The following NAA16 variants were observed in gnomAD, a reference collection of about 807,000 sequenced individuals.
The protein encoded by NAA16 is NARG1-like protein.
Under a neutral mutation model 110.3 loss-of-function variants are expected in NAA16, and 97 were observed. The ratio of observed to expected loss-of-function variants is 0.88; its 90% confidence interval spans 0.75 to 1.04. NAA16 has a LOEUF of 1.04. Among genes scored for constraint, NAA16 ranks in the 50% least tolerant of loss-of-function variants. The probability of loss-of-function intolerance (pLI) is 0.00; values close to 1 mark genes in which losing one functional copy is unlikely to be tolerated. For synonymous variants in NAA16, 372 were observed against 330.6 expected, an observed-to-expected ratio of 1.13 and a Z score of -1.36; for missense variants, 1,017 against 1,005.1, an observed-to-expected ratio of 1.01 and a Z score of -0.16.
intron 9 of NAA16, among the ~76,000 whole-genome samples, chr13:41,350,383 T>A (rs552349668): frequency 1.8e-4 from 27 of 147,436 alleles, no homozygotes; most frequent in Admixed American, 1.4e-3. Flanking sequence ...AAGCTCCACC[T>A]CCCGGGTTCA....
chr13:41,350,950 A>G (rs1566280679), intron 9 of NAA16, among the ~76,000 whole-genome samples: 1 of 152,136 alleles, frequency 6.6e-6, no homozygotes, highest in South Asian at 2.1e-4. Flanking sequence ...TGAAGGCTCT[A>G]AGAAGAGGTG....
intron 12 of NAA16, among the ~76,000 whole-genome samples, chr13:41,359,477 T>C (rs1324268966): frequency 6.6e-5 from 10 of 152,200 alleles, no homozygotes; most frequent in African/African-American, 2.4e-4. Flanking sequence ...CTTTCTGTTA[T>C]AATACATGTT....
intron 9 of NAA16, among the ~76,000 whole-genome samples, chr13:41,347,227 A>C (rs2042707713): frequency 1.0e-5 from 1 of 100,170 alleles, no homozygotes; most frequent in Admixed American, 9.6e-5. Flanking sequence ...AAAAAAAAAA[A>C]CAAAAACAAA....
chr13:41,341,449 G>A (rs1769217230), intron 9 of NAA16, among the ~76,000 whole-genome samples: 1 of 152,202 alleles, frequency 6.6e-6, no homozygotes, highest in African/African-American at 2.4e-5. Flanking sequence ...CAGCCGTGGT[G>A]GCTCATGCCT....
intron 2 of NAA16, among the ~76,000 whole-genome samples, chr13:41,318,118 T>A (rs921272699): frequency 6.6e-6 from 1 of 152,218 alleles, no homozygotes; most frequent in African/African-American, 2.4e-5. Flanking sequence ...TAAATCAGAT[T>A]GATGATTGAT....
At chr13:41,333,783 A>T (rs1350779883) in intron 8 of NAA16, among the ~76,000 whole-genome samples, 2 of 151,900 alleles carry the variant, frequency 1.3e-5, no homozygotes, top group African/African-American at 4.8e-5. Flanking sequence ...AGTTTACTAA[A>T]AGCCCTCAAT....
chr13:41,340,888 C>T lies in NAA16; in HGVS notation c.1014+4132C>T, dbSNP rs1314447067. On this transcript the variant is annotated intron_variant, in intron 9 of 19. Transcript: ENST00000379406. ...TAGAGATGGGGTTTCACCGTGGTCT[C>T]GATCTCCTGACCTCGTGATACACCC... 3.9e-5 allele frequency among the ~76,000 whole-genome samples: 6 copies of T among 151,934 alleles called. No homozygotes were observed. In the East Asian group the frequency reaches 5.8e-4, roughly 15 times the overall value.
chr13:41,375,303 G>A lies in NAA16; in HGVS notation c.2398-102G>A, dbSNP rs2043407628. On this transcript the variant is annotated intron_variant, in intron 19 of 19. Coordinates refer to ENST00000379406, the MANE Select transcript of NAA16 (RefSeq NM_024561.5). Reference sequence around the variant, plus strand: ...TTGTAAGGCATTATTTTAGACTGAGGCAGCTTTCTCAATTTAACACATTGC... The same window carrying A: ...TTGTAAGGCATTATTTTAGACTGAGACAGCTTTCTCAATTTAACACATTGC... 3 of 746,718 alleles carry A rather than the reference G, an allele frequency of 4.0e-6. No homozygotes were observed. In the South Asian group the frequency reaches 6.1e-5, roughly 15 times the overall value. 46.3% of individuals were successfully genotyped at this position (746,718 alleles called of 1,614,324 possible). A position where few individuals can be genotyped will look rare whatever the true frequency, so the allele number is the denominator to read the frequency against.
intron 9 of NAA16, among the ~76,000 whole-genome samples, chr13:41,349,960 C>CA (rs71086565): frequency 2.3e-4 from 29 of 126,774 alleles, no homozygotes; most frequent in Admixed American, 1.4e-3. Flanking sequence ...GACTCCGTCT[C>CA]AAAAAAAAAA....
At chr13:41,331,518 G>A (rs2042237938) in intron 8 of NAA16, 149 bp downstream of exon 8, 1 of 485,342 alleles carries the variant, frequency 2.1e-6, no homozygotes, top group South Asian at 4.5e-5. Context: ...TATGTTAAGA[G>A]TGTGATACTT....
chr13:41,337,770 A>G (rs1242991386), intron 9 of NAA16, among the ~76,000 whole-genome samples: 1 of 152,190 alleles, frequency 6.6e-6, no homozygotes, highest in Non-Finnish European at 1.5e-5. Context: ...AGCTTCTGTC[A>G]TATTTATTTA....
chr13:41,375,478 G>A lies in NAA16; in HGVS notation c.2471G>A (p.Arg824Lys), dbSNP rs2043411293. ...GNCSSQYEEY[R>K]MACHNLLPFT... ...TGTAGTTCCCAATATGAAGAATATAGGATGGCCTGTCATAACCTGCTTCCT... is the reference window on the plus strand; with the variant it reads ...TGTAGTTCCCAATATGAAGAATATAAGATGGCCTGTCATAACCTGCTTCCT... Residue 824 changes from arginine to lysine, a missense_variant, in exon 20 of 20, where the codon AGG becomes AAG. Physicochemically the swap from Arg to Lys is conservative, Grantham distance 26. Coordinates refer to ENST00000379406, the MANE Select transcript of NAA16 (RefSeq NM_024561.5). The A allele has an allele frequency of 1.2e-6, 2 of 1,613,890 alleles. No individual in the cohort carries two copies. Among genetic ancestry groups the A allele is most frequent in the African/African-American group, 2.7e-5 (2 of 74,916 alleles).
intron 12 of NAA16, among the ~76,000 whole-genome samples, chr13:41,361,275 A>C (rs538569023): frequency 6.6e-6 from 1 of 152,358 alleles, no homozygotes; most frequent in East Asian, 1.9e-4. Context: ...AAGAGTTGTC[A>C]TGAAACAGGT....
In NAA16 at chr13:41,358,927, A is replaced by G; in HGVS notation, c.1375A>G (p.Lys459Glu). Reference protein sequence around the residue: ...AKYMLRANMIKEAEEMCSKFT... With the variant: ...AKYMLRANMIEEAEEMCSKFT... ...ATACATGCTTCGAGCAAATATGATA[A>G]AAGAAGCAGAGGAAATGTGCTCCAA... The change falls in exon 12 of 20, where the codon AAA becomes GAA. Residue 459 changes from lysine (K) to glutamate (E), a missense_variant. By Grantham distance (56) the Lys-to-Glu change is moderately conservative. Transcript: ENST00000379406. 6.2e-7 allele frequency: 1 copy of G among 1,610,974 alleles called. No homozygotes were observed. Among genetic ancestry groups the G allele is most frequent in the South Asian group, 1.1e-5 (1 of 90,738 alleles).
At chr13:41,314,837 TA>T (rs900277642) in intron 1 of NAA16, among the ~76,000 whole-genome samples, 1 of 151,346 alleles carries the variant, frequency 6.6e-6, no homozygotes, top group Non-Finnish European at 1.5e-5. Flanking sequence ...AATAAAAAAA[TA>T]AAAAAAAATT....
Position 41,373,693 on chromosome 13 carries a change from C to A in NAA16, c.2212C>A (p.Gln738Lys), listed in dbSNP as rs193111047. 220 of 1,610,792 alleles carry A rather than the reference C, an allele frequency of 1.4e-4. 3 individuals are homozygous for A. The East Asian group carries it at 4.2e-3, about 31-fold the overall frequency. Residue 738 changes from glutamine to lysine, a missense_variant, in exon 18 of 20, where the codon CAG becomes AAG. Transcript: ENST00000379406. ...GAGCAAAGTTCTATCTCAAGAAATG[C>A]AGAAAATATTTGTCAAAAAGGATTT... ...IVSKVLSQEM[Q>K]KIFVKKDLES...
intron 8 of NAA16, among the ~76,000 whole-genome samples, chr13:41,331,583 A>C (rs73457531): frequency 0.011 from 1,630 of 152,230 alleles, 15 homozygotes; most frequent in African/African-American, 0.032. Flanking sequence ...ATAAATATAA[A>C]ACTGCTTTTC....
chr13:41,325,906 T>C (rs2042081938), intron 6 of NAA16, 55 bp downstream of exon 6: 2 of 1,410,012 alleles, frequency 1.4e-6, no homozygotes, highest in South Asian at 1.4e-5. Context: ...AAAAACTATA[T>C]ATTTTATTCT....
In NAA16 at chr13:41,358,611, T is replaced by C. The variant is rs1402389103; in HGVS notation, c.1257+138T>C. On this transcript the variant is annotated intron_variant, in intron 11 of 19. Coordinates refer to ENST00000379406, the MANE Select transcript of NAA16 (RefSeq NM_024561.5). Reference sequence around the variant, plus strand: ...AATAATCCTGTGTAGTTTCATGTTATATTAATTGTATAATCAATGTGTAAT... The same window carrying C: ...AATAATCCTGTGTAGTTTCATGTTACATTAATTGTATAATCAATGTGTAAT... The C allele has an allele frequency of 1.4e-5, 21 of 1,453,786 alleles. 1 individual carries two copies. The East Asian group carries it at 1.5e-4, about 10-fold the overall frequency. The allele number at this position is 1,453,786 out of a possible 1,614,324, so 90.1% of individuals were successfully genotyped here. A position where few individuals can be genotyped will look rare whatever the true frequency, so the allele number is the denominator to read the frequency against.
Sources: allele counts gnomAD v4.1 joint callset (sites outside exome capture counted in the v4.1 genomes callset), GRCh38; gene constraint gnomAD v4.1.1; transcripts MANE v1.5; gene names NCBI Gene and HGNC (gene_info 2026-07-23, HGNC 2026-07-21).